SLC25A20: variants seen among roughly 807,000 people sequenced by gnomAD.
The protein encoded by SLC25A20 is solute carrier family 25 member 20.
Under a neutral mutation model 39.7 loss-of-function variants are expected in SLC25A20, and 29 were observed. The ratio of observed to expected loss-of-function variants is 0.73; its 90% confidence interval spans 0.54 to 1.00. SLC25A20 has a LOEUF of 1.00. SLC25A20 is among the 50% of genes least tolerant of loss of function. SLC25A20 has a pLI of 0.00. For missense variants in SLC25A20, 333 were observed against 379.9 expected (o/e 0.88, Z 1.03); for synonymous variants, 103 against 142.2 (o/e 0.72, Z 1.96).
At chr3:48,879,985 G>A (rs1335323036) in intron 3 of SLC25A20, among the ~76,000 whole-genome samples, 1 of 152,158 alleles carries the variant, frequency 6.6e-6, no homozygotes, top group Non-Finnish European at 1.5e-5. Flanking sequence ...AGGCCAAGGA[G>A]GATGGCTGTG....
Position 48,891,978 on chromosome 3 carries a change from A to G in SLC25A20, c.198+2T>C, listed in dbSNP as rs147540030. ...GAGGAATGCCCAGCACCATATACCA[A>G]CCTCTCTAAAAAGAGTCTTCCGGAA... is the stretch of plus-strand genomic sequence containing the variant. On this transcript the variant is annotated splice_donor_variant, in intron 2 of 8. Coordinates refer to ENST00000319017, the MANE Select transcript of SLC25A20 (RefSeq NM_000387.6). LOFTEE classifies it high-confidence loss of function. 39 of 1,610,702 alleles carry G rather than the reference A, an allele frequency of 2.4e-5. No individual in the cohort carries two copies. The African/African-American group carries it at 5.2e-4, about 22-fold the overall frequency.
chr3:48,863,029 GA>G (rs1016085308), intron 4 of SLC25A20, among the ~76,000 whole-genome samples: 8 of 151,886 alleles, frequency 5.3e-5, no homozygotes, highest in African/African-American at 1.9e-4. Context: ...CTGTCTCTAC[GA>G]AAAATACAAA....
chr3:48,893,854 A>G (rs1032748997), intron 1 of SLC25A20, among the ~76,000 whole-genome samples: 2 of 121,964 alleles, frequency 1.6e-5, no homozygotes, highest in African/African-American at 2.9e-5. Context: ...TTAAAAAAGA[A>G]AAAAAAAAAA....
rs1387680741 is a variant in SLC25A20 at position 48,898,872 on chromosome 3, G to A, written c.-78C>T. On this transcript the variant is annotated 5_prime_UTR_variant, in exon 1 of 9. Coordinates refer to ENST00000319017, the MANE Select transcript of SLC25A20 (RefSeq NM_000387.6). ...CAGCCCCAGCTGCAGTGCCGGCGCCGCCGACCTTTCACCCACTTTTGGGTG... is the reference window on the plus strand; with the variant it reads ...CAGCCCCAGCTGCAGTGCCGGCGCCACCGACCTTTCACCCACTTTTGGGTG... 2 of 1,426,460 alleles carry A rather than the reference G, an allele frequency of 1.4e-6. No homozygotes were observed. The highest frequency in any genetic ancestry group is 1.9e-6 in the Non-Finnish European group (2 of 1,034,606). 88.4% of individuals were successfully genotyped at this position (1,426,460 alleles called of 1,614,324 possible).
At chr3:48,864,347 CAAAAAAAAA>C (rs55843120) in intron 4 of SLC25A20, among the ~76,000 whole-genome samples, 10 of 48,060 alleles carry the variant, frequency 2.1e-4, no homozygotes, top group Admixed American at 7.5e-4. Flanking sequence ...GACTCTGTCT[CAAAAAAAAA>C]AAAAAAAAAA....
Position 48,858,578 on chromosome 3 carries a change from G to A in SLC25A20, c.772C>T (p.Arg258Trp), listed in dbSNP as rs758619072. The A allele has an allele frequency of 1.8e-5, 29 of 1,614,150 alleles. No homozygotes were observed. The South Asian group carries it at 2.2e-4, about 12-fold the overall frequency. ...GFRDVLRELIRDEGVTSLYKG... is the reference protein window; with the variant it reads ...GFRDVLRELIWDEGVTSLYKG... ...TACAAGGATGTGACTCCTTCATCCC[G>A]GATCAGCTCCCTCAGCACATCTCTG... Residue 258 changes from arginine (R) to tryptophan (W), a missense_variant, in exon 8 of 9, where the codon CGG (arginine) becomes TGG (tryptophan). Coordinates refer to ENST00000319017, the MANE Select transcript of SLC25A20 (RefSeq NM_000387.6).
chr3:48,878,991 C>T (rs1030112251), intron 4 of SLC25A20, among the ~76,000 whole-genome samples: 1 of 152,052 alleles, frequency 6.6e-6, no homozygotes, highest in Admixed American at 6.6e-5. Context: ...CTGCCTCAGC[C>T]TCCCAAGTAG....
intron 2 of SLC25A20, among the ~76,000 whole-genome samples, chr3:48,889,253 G>C (rs1373001096): frequency 6.7e-6 from 1 of 150,010 alleles, no homozygotes; most frequent in Non-Finnish European, 1.5e-5. Context: ...AGCCAGGCAT[G>C]ATGGCACATG....
intron 7 of SLC25A20, 21 bp downstream of exon 7, chr3:48,859,071 A>T (rs750497301): frequency 3.1e-6 from 5 of 1,599,832 alleles, no homozygotes; most frequent in Non-Finnish European, 4.3e-6. Flanking sequence ...CCCCCTGTCC[A>T]CCCCACTACC....
chr3:48,876,088 ATCCCAGCACTCT>A (rs2083754645), intron 4 of SLC25A20, among the ~76,000 whole-genome samples: 1 of 152,032 alleles, frequency 6.6e-6, no homozygotes, highest in Non-Finnish European at 1.5e-5. Context: ...CACGCCTATA[ATCCCAGCACTCT>A]GGGATGCCGA....
At chr3:48,898,113 C>A (rs1441804438) in intron 1 of SLC25A20, among the ~76,000 whole-genome samples, 1 of 152,166 alleles carries the variant, frequency 6.6e-6, no homozygotes, top group Admixed American at 6.6e-5. Flanking sequence ...GGGGCTCGGT[C>A]ACTGAGGTCA....
At chr3:48,891,897 G>A in intron 2 of SLC25A20, 83 bp downstream of exon 2, 1 of 1,128,664 alleles carries the variant, frequency 8.9e-7, no homozygotes, top group Non-Finnish European at 1.4e-6. Context: ...GAACCACACA[G>A]TTAACCTACT....
intron 4 of SLC25A20, among the ~76,000 whole-genome samples, chr3:48,869,972 G>C (rs1194212050): frequency 6.6e-6 from 1 of 152,000 alleles, no homozygotes; most frequent in Non-Finnish European, 1.5e-5. Flanking sequence ...TAAAAAATTA[G>C]CCAGGTGTGG....
Position 48,898,677 on chromosome 3 carries a change from C to T in SLC25A20, c.105+13G>A. The T allele has an allele frequency of 6.3e-7, 1 of 1,590,892 alleles. No homozygotes were observed. ...GGCCTCCTCCCCAAAGCCTGCGACCCAGCCTCCCGCACCTTGACCGTGTCC... is the reference window on the plus strand; with the variant it reads ...GGCCTCCTCCCCAAAGCCTGCGACCTAGCCTCCCGCACCTTGACCGTGTCC... On this transcript the variant is annotated intron_variant, in intron 1 of 8. Transcript: ENST00000319017.
At chr3:48,860,294 C>G (rs1449577830) in intron 5 of SLC25A20, among the ~76,000 whole-genome samples, 2 of 145,658 alleles carry the variant, frequency 1.4e-5, no homozygotes, top group Non-Finnish European at 3.0e-5. Context: ...GAGTGAGACT[C>G]CATCTCAAAA....
chr3:48,868,361 A>T (rs548165858), intron 4 of SLC25A20, among the ~76,000 whole-genome samples: 31 of 152,302 alleles, frequency 2.0e-4, no homozygotes, highest in Middle Eastern at 3.4e-3. Context: ...AGCGATGGAC[A>T]AAGCCACTGA....
rs116681393 is a variant in SLC25A20 at position 48,857,351 on chromosome 3, G to A, written c.*359C>T. 4.2e-3 allele frequency: 1,277 copies of A among 302,120 alleles called. 6 individuals carry two copies. Among genetic ancestry groups the A allele is most frequent in the Middle Eastern group, 0.023 (19 of 828 alleles). The allele number at this position is 302,120 out of a possible 1,614,324, so 18.7% of individuals were successfully genotyped here. ...TGAAAATATGCACAGTGCCTCCAGT[G>A]AGAACCTGAGATTCTCTCTTTAATG... On this transcript the variant is annotated 3_prime_UTR_variant, in exon 9 of 9. Transcript: ENST00000319017.
intron 1 of SLC25A20, among the ~76,000 whole-genome samples, chr3:48,894,288 CAG>C (rs1365973175): frequency 7.6e-6 from 1 of 131,380 alleles, no homozygotes; most frequent in Non-Finnish European, 1.6e-5. Flanking sequence ...TTTTTTGAGG[CAG>C]AGTCTTGCTC....
intron 3 of SLC25A20, among the ~76,000 whole-genome samples, chr3:48,882,958 G>T (rs1284887593): frequency 2.7e-5 from 4 of 149,876 alleles, no homozygotes; most frequent in Non-Finnish European, 5.9e-5. Context: ...GGGGCCAAAG[G>T]GGGCGGATCA....
Sources: allele counts gnomAD v4.1 joint callset (sites outside exome capture counted in the v4.1 genomes callset), GRCh38; gene constraint gnomAD v4.1.1; transcripts MANE v1.5; gene names NCBI Gene and HGNC (gene_info 2026-07-23, HGNC 2026-07-21).